ANO1: variants seen among roughly 807,000 people sequenced by gnomAD.
The protein encoded by ANO1 is anoctamin 1.
Under a neutral mutation model 124.0 loss-of-function variants are expected in ANO1, and 59 were observed. The ratio of observed to expected loss-of-function variants is 0.48; its 90% CI spans 0.39 to 0.59. The LOEUF (loss-of-function observed/expected upper bound fraction) is 0.59, where lower values mean the gene tolerates loss of function less well. Ranked by LOEUF, ANO1 falls within the 20% of genes least tolerant of loss-of-function variation. The pLI is 0.00. For missense variants in ANO1, 1,059 were observed against 1,328.0 expected, an observed-to-expected ratio of 0.80 and a Z score of 3.15; for synonymous variants, 529 against 532.0, an observed-to-expected ratio of 0.99 and a Z score of 0.08.
chr11:70,172,761 G>A (rs2135777854), intron 22 of ANO1, among the ~76,000 whole-genome samples: 1 of 152,174 alleles, frequency 6.6e-6, no homozygotes, highest in South Asian at 2.1e-4. Flanking sequence ...AGCTACTCAG[G>A]AGGCTGAGGC....
chr11:70,127,393 G>A (rs1162465928), intron 10 of ANO1, among the ~76,000 whole-genome samples: 3 of 152,172 alleles, frequency 2.0e-5, no homozygotes, highest in African/African-American at 7.2e-5. Context: ...CACAGCATAG[G>A]CAGGCATCTG....
intron 1 of ANO1, among the ~76,000 whole-genome samples, chr11:70,050,640 A>G (rs547445659): frequency 6.6e-6 from 1 of 152,206 alleles, no homozygotes; most frequent in Admixed American, 6.5e-5. Flanking sequence ...AACTTCTATA[A>G]CATCAGGAAC....
intron 1 of ANO1, chr11:70,015,907 A>C (rs2134983075): frequency 6.6e-6 from 1 of 152,182 alleles, no homozygotes. Context: ...TGAGCAATGC[A>C]CTCCATTCCC....
chr11:70,002,034 C>A (rs1465598127), intron 1 of ANO1, among the ~76,000 whole-genome samples: 2 of 152,128 alleles, frequency 1.3e-5, no homozygotes, highest in Non-Finnish European at 2.9e-5. Flanking sequence ...ACATACAGAG[C>A]AACGGTGGTC....
At chr11:70,013,637 A>G (rs1271335989) in intron 1 of ANO1, among the ~76,000 whole-genome samples, 1 of 150,444 alleles carries the variant, frequency 6.6e-6, no homozygotes, top group Non-Finnish European at 1.5e-5. Flanking sequence ...AAAACAAAAC[A>G]AAACAAAACA....
chr11:70,184,660 C>A (rs2049042073), intron 24 of ANO1, among the ~76,000 whole-genome samples: 1 of 152,240 alleles, frequency 6.6e-6, no homozygotes, highest in African/African-American at 2.4e-5. Flanking sequence ...GAATGCTTAG[C>A]TTCGTTCTTT....
At chr11:70,085,285 C>T (rs1161197923) in intron 1 of ANO1, 2 of 1,166,138 alleles carry the variant, frequency 1.7e-6, no homozygotes, top group Non-Finnish European at 1.2e-6. Flanking sequence ...CATGGGAACC[C>T]ACTGCCCTCA....
intron 1 of ANO1, among the ~76,000 whole-genome samples, chr11:70,037,269 G>T (rs1055342861): frequency 2.3e-4 from 35 of 152,128 alleles, no homozygotes; most frequent in African/African-American, 8.5e-4. Flanking sequence ...ATACTCAGTG[G>T]AGCAGGGCAG....
chr11:70,130,680 C>G (rs1228826171), intron 10 of ANO1, among the ~76,000 whole-genome samples: 1 of 152,222 alleles, frequency 6.6e-6, no homozygotes, highest in South Asian at 2.1e-4. Flanking sequence ...GATCCTCTCT[C>G]CTGGCCACAG....
chr11:70,186,292 AAGAG>A (rs1269954619), intron 25 of ANO1, among the ~76,000 whole-genome samples: 4 of 150,116 alleles, frequency 2.7e-5, no homozygotes, highest in South Asian at 2.2e-4. Flanking sequence ...CATCTCAAAA[AAGAG>A]AGAGAGAGAA....
At chr11:69,995,537 G>A (rs1239697733) in intron 1 of ANO1, among the ~76,000 whole-genome samples, 1 of 152,162 alleles carries the variant, frequency 6.6e-6, no homozygotes, top group Non-Finnish European at 1.5e-5. Flanking sequence ...TCTTGGCCAT[G>A]ACAGTTTCAC....
rs77249430 is a variant in ANO1 at position 70,097,471 on chromosome 11, C to T, written c.442-5595C>T. Among the ~76,000 whole-genome samples the T allele has an allele frequency of 7.2e-3, 1,097 of 152,334 alleles. 8 individuals carry two copies. The highest frequency in any genetic ancestry group is 0.025 in the African/African-American group (1,036 of 41,576). ...GGAAATACCAGGCACCGGCAATGAC[C>T]TCTCCAGGCAGACCCCTGCCCAGGG... is the stretch of plus-strand genomic sequence containing the variant. On this transcript the variant is annotated intron_variant, in intron 2 of 25. Coordinates refer to ENST00000355303, the MANE Select transcript of ANO1 (RefSeq NM_018043.7).
At chr11:70,149,129 G>T (rs1307773442) in intron 11 of ANO1, among the ~76,000 whole-genome samples, 1 of 152,156 alleles carries the variant, frequency 6.6e-6, no homozygotes, top group African/African-American at 2.4e-5. Context: ...GAGAGCAATG[G>T]GGGAGGATGG....
At position 70,152,470 on chromosome 11, in the gene ANO1, C is replaced by A. The variant is rs764967804; in HGVS notation, c.1353+9C>A. The A allele has an allele frequency of 6.2e-7, 1 of 1,611,742 alleles. No individual in the cohort carries two copies. The highest frequency in any genetic ancestry group is 8.5e-7 in the Non-Finnish European group (1 of 1,178,702). ...TGAAGGAGGCTGTCAAGGTTTGGAACTTTTTGTCGCTCCTCTATCTTCCCA... is the reference window on the plus strand; with the variant it reads ...TGAAGGAGGCTGTCAAGGTTTGGAAATTTTTGTCGCTCCTCTATCTTCCCA... On this transcript the variant is annotated intron_variant, in intron 13 of 25. Coordinates refer to ENST00000355303, the MANE Select transcript of ANO1 (RefSeq NM_018043.7).
At chr11:70,115,170 C>T (rs1008230212) in intron 7 of ANO1, among the ~76,000 whole-genome samples, 4 of 152,064 alleles carry the variant, frequency 2.6e-5, no homozygotes, top group Non-Finnish European at 5.9e-5. Context: ...TCCAAGACCA[C>T]CTGCATTTGG....
At position 70,063,199 on chromosome 11, in the gene ANO1, G is replaced by A. The variant is rs552114715; in HGVS notation, c.59-15343G>A. ...CTCCCAAAGTGCTGGGATTATAGGC[G>A]TGAGCCACCGCGCCCAGCCGATAAT... is the stretch of plus-strand genomic sequence containing the variant. On this transcript the variant is annotated intron_variant, in intron 1 of 27. Coordinates refer to the ANO1 transcript ENST00000531349. 3.3e-5 allele frequency among the ~76,000 whole-genome samples: 5 copies of A among 152,202 alleles called. No individual in the cohort carries two copies. In the South Asian group the frequency reaches 8.3e-4, roughly 25 times the overall value.
chr11:69,989,621 C>T (rs1856116035), intron 1 of ANO1, among the ~76,000 whole-genome samples: 1 of 152,260 alleles, frequency 6.6e-6, no homozygotes, highest in South Asian at 2.1e-4. Context: ...CCACCTGCTA[C>T]TGCAGTAGGG....
At chr11:69,986,588 G>A (rs1216148813) in intron 1 of ANO1, among the ~76,000 whole-genome samples, 1 of 152,120 alleles carries the variant, frequency 6.6e-6, no homozygotes, top group Non-Finnish European at 1.5e-5. Flanking sequence ...TAATATTTCC[G>A]TGCTATTCTG....
At chr11:69,976,921 C>T in the ANO1 span, among the ~76,000 whole-genome samples, 2 of 151,790 alleles carry the variant, frequency 1.3e-5, no homozygotes, top group Admixed American at 1.3e-4. Flanking sequence ...GGGTGAACGT[C>T]ATGTTCATCC....
Sources: allele counts gnomAD v4.1 joint callset (sites outside exome capture counted in the v4.1 genomes callset), GRCh38; gene constraint gnomAD v4.1.1; transcripts MANE v1.5; gene names NCBI Gene and HGNC (gene_info 2026-07-23, HGNC 2026-07-21).